Variants in TUBB6 observed in about 807,000 individuals in gnomAD.
TUBB6 encodes the protein tubulin beta-6 chain.
TUBB6 carries 18 observed loss-of-function variants against 32.3 expected under a neutral mutation model. That is an observed-to-expected ratio of 0.56 (90% confidence interval 0.39 to 0.83). TUBB6 has a LOEUF of 0.83. Ranked by LOEUF, TUBB6 falls within the 40% of genes least tolerant of loss-of-function variation. TUBB6 has a pLI of 0.00. For missense variants in TUBB6, 480 were observed against 632.0 expected (o/e 0.76, Z 2.58); for synonymous variants, 280 against 265.8 (o/e 1.05, Z -0.52).
chr18:12,316,352 T>C (rs950239407), intron 3 of TUBB6, among the ~76,000 whole-genome samples: 14 of 152,234 alleles, frequency 9.2e-5, no homozygotes, highest in African/African-American at 3.4e-4. Flanking sequence ...TTAAGACAAA[T>C]TAAGACAGAC....
chr18:12,326,299 A>C lies in TUBB6; in HGVS notation c.*169A>C. 9.5e-7 allele frequency: 1 copy of C among 1,047,438 alleles called. No homozygotes were observed. Among genetic ancestry groups the C allele is most frequent in the Non-Finnish European group, 1.3e-6 (1 of 749,114 alleles). The allele number at this position is 1,047,438 out of a possible 1,614,324, so 64.9% of individuals were successfully genotyped here. A position where few individuals can be genotyped will look rare whatever the true frequency, so the allele number is the denominator to read the frequency against. ...ATTAGTCATCTGGAACAAAGACTAA[A>C]AACAGCAGAGAATTGCGGGTTCTAC... On this transcript the variant is annotated 3_prime_UTR_variant, in exon 4 of 4. Coordinates refer to ENST00000317702, the MANE Select transcript of TUBB6 (RefSeq NM_032525.3).
At chr18:12,328,900 TTA>T (rs1907419388), downstream of TUBB6, 1 of 422,214 alleles carries the variant, frequency 2.4e-6, no homozygotes, top group East Asian at 3.8e-5. Context: ...TTTCTTGCCA[TTA>T]TGTTTTCTAA....
Position 12,308,737 on chromosome 18 carries a change from C to A in TUBB6, c.108C>A (p.Tyr36Ter). 1 of 1,613,286 alleles carries A rather than the reference C, an allele frequency of 6.2e-7. No individual in the cohort carries two copies. Among genetic ancestry groups the A allele is most frequent in the Non-Finnish European group, 8.5e-7 (1 of 1,179,430 alleles). Reference protein sequence around the residue: ...DEHGIDPAGGYVGDSALQLER... With the variant: ...DEHGIDPAGG ...ACGGCATCGACCCGGCCGGAGGCTA[C>A]GTGGGAGACTCGGCGCTGCAGCTGG... is the stretch of plus-strand genomic sequence containing the variant. The change falls in exon 2 of 4, where the codon TAC becomes TAA. Residue 36 changes from tyrosine to a stop codon, truncating the protein, a stop_gained. Coordinates refer to ENST00000317702, the MANE Select transcript of TUBB6 (RefSeq NM_032525.3). LOFTEE classifies it high-confidence loss of function.
rs1319754438 is a variant in TUBB6 at position 12,326,285 on chromosome 18, G to C, written c.*155G>C. ...AGCCAAGTCATGTAATTAGTCATCTGGAACAAAGACTAAAAACAGCAGAGA... is the reference window on the plus strand; with the variant it reads ...AGCCAAGTCATGTAATTAGTCATCTCGAACAAAGACTAAAAACAGCAGAGA... On this transcript the variant is annotated 3_prime_UTR_variant, in exon 4 of 4. Transcript: ENST00000317702. 2.6e-6 allele frequency: 3 copies of C among 1,163,902 alleles called. No homozygotes were observed. The highest frequency in any genetic ancestry group is 3.5e-6 in the Non-Finnish European group (3 of 853,720). The allele number at this position is 1,163,902 out of a possible 1,614,324, so 72.1% of individuals were successfully genotyped here.
At chr18:12,329,321 C>A (rs533711447), downstream of TUBB6, 2 of 675,466 alleles carry the variant, frequency 3.0e-6, no homozygotes, top group East Asian at 2.7e-5. Context: ...CTTTCCAGCA[C>A]GTCTGGGAGC....
At chr18:12,328,344 G>C (rs1372467374), downstream of TUBB6, among the ~76,000 whole-genome samples, 1 of 152,268 alleles carries the variant, frequency 6.6e-6, no homozygotes, top group Admixed American at 6.5e-5. Flanking sequence ...AAAAATGCCA[G>C]TGTCTCCTCC....
At chr18:12,309,406 C>T (rs915111417) in intron 2 of TUBB6, among the ~76,000 whole-genome samples, 1 of 140,688 alleles carries the variant, frequency 7.1e-6, no homozygotes, top group Non-Finnish European at 1.6e-5. Flanking sequence ...CTTCCCCCCC[C>T]CCCCCCCCAG....
At chr18:12,308,555 C>G (rs1299824645) in intron 1 of TUBB6, 132 bp from the exon 2 acceptor site, 8 of 792,354 alleles carry the variant, frequency 1.0e-5, no homozygotes, top group Non-Finnish European at 1.0e-5. Flanking sequence ...ACCCCCATCC[C>G]AACTGGGAGC....
At chr18:12,317,860 C>A (rs1906758267) in intron 3 of TUBB6, among the ~76,000 whole-genome samples, 1 of 152,224 alleles carries the variant, frequency 6.6e-6, no homozygotes, top group Admixed American at 6.5e-5. Context: ...TTAACTGGAA[C>A]ATCTGTTGCT....
intron 3 of TUBB6, among the ~76,000 whole-genome samples, chr18:12,312,299 A>C (rs1906426916): frequency 6.6e-6 from 1 of 152,212 alleles, no homozygotes; most frequent in South Asian, 2.1e-4. Context: ...TATCAAATGT[A>C]GTTGTGTTTT....
At chr18:12,308,197 G>GGGGGCGCGGAGGGTCGGCCCC, upstream of TUBB6, 1 of 859,764 alleles carries the variant, frequency 1.2e-6, no homozygotes, top group Non-Finnish European at 1.5e-6. Context: ...GGGCGGGGGC[G>GGGGGCGCGGAGGGTCGGCCCC]GGGGCGCGGA....
chr18:12,319,342 C>T (rs1410963544), intron 3 of TUBB6, among the ~76,000 whole-genome samples: 1 of 151,694 alleles, frequency 6.6e-6, no homozygotes, highest in African/African-American at 2.4e-5. Context: ...ATGGGGTTTC[C>T]CCATATTGGC....
At chr18:12,315,542 C>T (rs960058993) in intron 3 of TUBB6, among the ~76,000 whole-genome samples, 2 of 152,186 alleles carry the variant, frequency 1.3e-5, no homozygotes, top group Admixed American at 6.5e-5. Flanking sequence ...AGACTCAGGG[C>T]TTTAAGAACT....
chr18:12,324,769 T>C, intron 3 of TUBB6: 5 of 1,274,192 alleles, frequency 3.9e-6, no homozygotes, highest in Non-Finnish European at 4.9e-6. Context: ...ATTTTTTTAA[T>C]GTATACCTTT....
intron 3 of TUBB6, 30 bp downstream of exon 3, chr18:12,311,083 CTTCTT>C (rs760700597): frequency 1.3e-5 from 20 of 1,537,618 alleles, no homozygotes; most frequent in Middle Eastern, 1.7e-4. Context: ...CTTTCTTCTT[CTTCTT>C]TTATTTTTTT....
rs1221257628 is a variant in TUBB6, at chr18:12,325,938, G to T, written c.1149G>T (p.Glu383Asp). 1 of 1,613,938 alleles carries T rather than the reference G, an allele frequency of 6.2e-7. No individual in the cohort carries two copies. The highest frequency in any genetic ancestry group is 8.5e-7 in the Non-Finnish European group (1 of 1,180,054). The part of the protein sequence containing the change: ...AIQELFKRIS[E>D]QFSAMFRRKA... The stretch of plus-strand genomic sequence containing the variant: ...AGGAGCTGTTCAAGCGCATCTCCGA[G>T]CAGTTCTCAGCCATGTTCCGGCGCA... The change falls in exon 4 of 4, where the codon GAG becomes GAT. Residue 383 changes from glutamate (E) to aspartate (D), a missense_variant. Coordinates refer to ENST00000317702, the MANE Select transcript of TUBB6 (RefSeq NM_032525.3).
At chr18:12,321,766 AAAT>A (rs1907001901) in intron 3 of TUBB6, among the ~76,000 whole-genome samples, 1 of 152,230 alleles carries the variant, frequency 6.6e-6, no homozygotes, top group Admixed American at 6.5e-5. Context: ...AATTTCATGA[AAAT>A]AAATATTTAA....
intron 3 of TUBB6, among the ~76,000 whole-genome samples, chr18:12,316,160 G>C (rs1010592992): frequency 1.3e-5 from 2 of 152,370 alleles, no homozygotes; most frequent in South Asian, 4.1e-4. Context: ...CAGGTCTCAA[G>C]AGAGAGTCGA....
At position 12,325,385 on chromosome 18, in the gene TUBB6, C is replaced by T; in HGVS notation, c.596C>T (p.Thr199Ile). Residue 199 changes from threonine to isoleucine, a missense_variant, in exon 4 of 4, where the codon ACC becomes ATC. By Grantham distance (89) the Thr-to-Ile change is moderately conservative. Coordinates refer to ENST00000317702, the MANE Select transcript of TUBB6 (RefSeq NM_032525.3). ...VHQLVENTDE[T>I]YCIDNEALYD... is the part of the protein sequence containing the mutation. ...CAGCTGGTGGAGAATACAGACGAGA[C>T]CTACTGCATCGACAACGAGGCGCTC... The T allele has an allele frequency of 6.2e-7, 1 of 1,614,224 alleles. No homozygotes were observed. The highest frequency in any genetic ancestry group is 8.5e-7 in the Non-Finnish European group (1 of 1,180,038).
Sources: gnomAD v4.1 joint callset for allele counts (sites outside exome capture counted in the v4.1 genomes callset) on GRCh38, gnomAD v4.1.1 for gene constraint, MANE v1.5 for transcripts, NCBI Gene and HGNC (gene_info 2026-07-23, HGNC 2026-07-21) for gene names.